The following RFX5 variants were observed in gnomAD, a reference collection of about 807,000 sequenced individuals.
RFX5 encodes the protein regulatory factor X5.
Under a neutral mutation model 41.2 loss-of-function variants are expected in RFX5, and 30 were observed. The observed-to-expected ratio is 0.73, with a 90% CI of 0.54 to 0.99. RFX5 has a LOEUF of 0.99. Among genes scored for constraint, RFX5 ranks in the 50% least tolerant of loss-of-function variants. The pLI, the probability that RFX5 is intolerant of heterozygous loss-of-function variation, is 0.00. For synonymous variants in RFX5, 231 were observed against 291.8 expected, an observed-to-expected ratio of 0.79 and a Z score of 2.12; for missense variants, 715 against 773.6, an observed-to-expected ratio of 0.92 and a Z score of 0.90.
Position 151,344,430 on chromosome 1 carries a change from G to T in RFX5, c.460C>A (p.Arg154=). The change falls in exon 7 of 11, where the codon CGG becomes AGG. Residue 154 remains arginine, a synonymous_variant. Transcript: ENST00000452671. ...PDIKARRLGG[R]GQSKYCYSGI... is the part of the protein sequence containing the mutation. ...AGTCAAGGATACTTGGACTGGCCCC[G>T]GCCACCAAGCCTTCGAGCTTTGATG... 6.2e-7 allele frequency: 1 copy of T among 1,614,146 alleles called. No individual in the cohort carries two copies. Among genetic ancestry groups the T allele is most frequent in the Non-Finnish European group, 8.5e-7 (1 of 1,180,032 alleles).
Position 151,344,843 on chromosome 1 carries a change from C to G in RFX5, c.238G>C (p.Glu80Gln). The change falls in exon 6 of 11, where the codon GAG becomes CAG. Residue 80 changes from glutamate (E) to glutamine (Q), a missense_variant. Transcript: ENST00000452671. ...TCCTCATTGCTCAGTGTACTTGGCT[C>G]TGAGCTACAGAAACAAAAGGAACAA... Reference protein sequence around the residue: ...SGPTTGDKSSEPSTLSNEEYM... With the variant: ...SGPTTGDKSSQPSTLSNEEYM... 6.2e-7 allele frequency: 1 copy of G among 1,614,136 alleles called. No individual in the cohort carries two copies. Among genetic ancestry groups the G allele is most frequent in the Non-Finnish European group, 8.5e-7 (1 of 1,180,018 alleles).
In RFX5 at chr1:151,344,545, G is replaced by A. The variant is rs760767994; in HGVS notation, c.354-9C>T. The stretch of plus-strand genomic sequence containing the variant: ...GACTCTCACAGTACTTCCTGAGTGA[G>A]AGGGGAGCAGAGTGGGAAGATACTC... On this transcript the variant is annotated splice_polypyrimidine_tract_variant and intron_variant, in intron 6 of 10. Coordinates refer to ENST00000452671, the MANE Select transcript of RFX5 (RefSeq NM_001025603.2). 6.2e-7 allele frequency: 1 copy of A among 1,614,210 alleles called. No homozygotes were observed. Among genetic ancestry groups the A allele is most frequent in the South Asian group, 1.1e-5 (1 of 91,080 alleles).
In RFX5 at chr1:151,344,772, G is replaced by T; in HGVS notation, c.309C>A (p.His103Gln). ...YRWIRNHLEEHTDTCLPKQSV... is the reference protein window; with the variant it reads ...YRWIRNHLEEQTDTCLPKQSV... The stretch of plus-strand genomic sequence containing the variant: ...TTTGCTTTGGCAGACAGGTGTCAGT[G>T]TGCTCTTCCAGGTGGTTGCGGATCC... Residue 103 changes from histidine to glutamine, a missense_variant, in exon 6 of 11, where the codon CAC becomes CAA. Transcript: ENST00000452671. The T allele has an allele frequency of 8.7e-6, 14 of 1,610,368 alleles. No individual in the cohort carries two copies. The highest frequency in any genetic ancestry group is 1.2e-5 in the Non-Finnish European group (14 of 1,178,014).
chr1:151,341,338 A>C lies in RFX5; in HGVS notation c.*848T>G, dbSNP rs1650432338. On this transcript the variant is annotated 3_prime_UTR_variant, in exon 11 of 11. Transcript: ENST00000452671. ...GGAAATGCAAGACTGAGGAGAAAAG[A>C]AAGCAGGTCTAGCTGATCTCAACTT... 6.6e-6 allele frequency: 1 copy of C among 152,466 alleles called. No homozygotes were observed. The highest frequency in any genetic ancestry group is 2.4e-5 in the African/African-American group (1 of 41,454). The allele number at this position is 152,466 out of a possible 1,614,324, so 9.4% of individuals were successfully genotyped here.
chr1:151,343,523 TGACTGGTAGA>T, intron 9 of RFX5, 81 bp from the exon 10 acceptor site: 1 of 1,464,332 alleles, frequency 6.8e-7, no homozygotes, highest in Non-Finnish European at 9.5e-7. Flanking sequence ...TCTGATTGAC[TGACTGGTAGA>T]GACAGGAAAT....
chr1:151,341,805 T>C lies in RFX5; in HGVS notation c.*381A>G, dbSNP rs1264860956. On this transcript the variant is annotated 3_prime_UTR_variant, in exon 11 of 11. Transcript: ENST00000452671. ...CTTCACCTGGAGCCAGCACTACCTATGGACTTTCTAGTTACATGAACCAAT... is the reference window on the plus strand; with the variant it reads ...CTTCACCTGGAGCCAGCACTACCTACGGACTTTCTAGTTACATGAACCAAT... 2.7e-6 allele frequency: 1 copy of C among 372,980 alleles called. No individual in the cohort carries two copies. Among genetic ancestry groups the C allele is most frequent in the African/African-American group, 2.1e-5 (1 of 47,272 alleles). The allele number at this position is 372,980 out of a possible 1,614,324, so 23.1% of individuals were successfully genotyped here. A position where few individuals can be genotyped will look rare whatever the true frequency, so the allele number is the denominator to read the frequency against.
intron 9 of RFX5, 92 bp downstream of exon 9, chr1:151,343,589 A>G: frequency 1.4e-6 from 2 of 1,477,304 alleles, no homozygotes; most frequent in South Asian, 2.4e-5. Context: ...AAGAGGGGGC[A>G]AATCCAAGGT....
Position 151,343,183 on chromosome 1 carries a change from A to G in RFX5, c.859-5T>C. ...GGCTTCCAGATCCTTAGGAGGCTAA[A>G]AAGTAAAGAGAGGAACACAGTAAGG... On this transcript the variant is annotated splice_region_variant and splice_polypyrimidine_tract_variant and intron_variant, in intron 10 of 10. Transcript: ENST00000452671. 1 of 1,611,224 alleles carries G rather than the reference A, an allele frequency of 6.2e-7. No homozygotes were observed. The highest frequency in any genetic ancestry group is 8.5e-7 in the Non-Finnish European group (1 of 1,180,018).
Position 151,343,945 on chromosome 1 carries a change from G to C in RFX5, c.556-63C>G. Reference sequence around the variant, plus strand: ...TTAAAGAACCCTTGCCTCCTCTCTTGTCAGAGATCAAAGACTATTGACCAA... The same window carrying C: ...TTAAAGAACCCTTGCCTCCTCTCTTCTCAGAGATCAAAGACTATTGACCAA... On this transcript the variant is annotated intron_variant, in intron 8 of 10. Transcript: ENST00000452671. The C allele has an allele frequency of 2.6e-6, 4 of 1,555,296 alleles. No homozygotes were observed. The East Asian group carries it at 6.8e-5, about 26-fold the overall frequency.
chr1:151,345,232 G>A (rs375652233), intron 4 of RFX5, 44 bp from the exon 5 acceptor site: 7 of 1,506,236 alleles, frequency 4.6e-6, no homozygotes, highest in Middle Eastern at 1.7e-4. Flanking sequence ...ATAAGGCCAA[G>A]AAGGACCCAA....
rs371608152 is a variant in RFX5, at chr1:151,343,913, C to A, written c.556-31G>T. On this transcript the variant is annotated intron_variant, in intron 8 of 10. Transcript: ENST00000452671. ...GTGGGGAAGGACATGCCCAATCACA[C>A]TCCAAATTAAAGAACCCTTGCCTCC... 14 of 1,606,878 alleles carry A rather than the reference C, an allele frequency of 8.7e-6. No homozygotes were observed. In the African/African-American group the frequency reaches 1.5e-4, roughly 17 times the overall value.
intron 8 of RFX5, 106 bp from the exon 9 acceptor site, chr1:151,343,988 G>T: frequency 7.8e-7 from 1 of 1,275,514 alleles, no homozygotes; most frequent in Non-Finnish European, 1.1e-6. Flanking sequence ...ACCAGACTGG[G>T]GATGGGAGTA....
rs539840415 is a variant in RFX5 at position 151,344,942 on chromosome 1, T to A, written c.234-95A>T. The A allele has an allele frequency of 1.0e-5, 16 of 1,606,150 alleles. No homozygotes were observed. The East Asian group carries it at 3.3e-4, about 34-fold the overall frequency. On this transcript the variant is annotated intron_variant, in intron 5 of 10. Transcript: ENST00000452671. Reference sequence around the variant, plus strand: ...TTCAGTAGTGCTGGACCAAATTTAGTTCACCCAGAATCTAACTTTCCCTGG... The same window carrying A: ...TTCAGTAGTGCTGGACCAAATTTAGATCACCCAGAATCTAACTTTCCCTGG...
At position 151,341,915 on chromosome 1, in the gene RFX5, T is replaced by G. The variant is rs1650470142; in HGVS notation, c.*271A>C. On this transcript the variant is annotated 3_prime_UTR_variant, in exon 11 of 11. Transcript: ENST00000452671. ...TCCCTAACCTATATATTCATCATACTTAGCCCATTCCTACCTTCCCACAGG... is the reference window on the plus strand; with the variant it reads ...TCCCTAACCTATATATTCATCATACGTAGCCCATTCCTACCTTCCCACAGG... The G allele has an allele frequency of 1.5e-6, 1 of 652,904 alleles. No homozygotes were observed. Among genetic ancestry groups the G allele is most frequent in the Admixed American group, 2.2e-5 (1 of 45,512 alleles). The allele number at this position is 652,904 out of a possible 1,614,324, so 40.4% of individuals were successfully genotyped here. A position where few individuals can be genotyped will look rare whatever the true frequency, so the allele number is the denominator to read the frequency against.
chr1:151,343,421 C>T lies in RFX5; in HGVS notation c.779G>A (p.Arg260Gln), dbSNP rs767157275. 32 of 1,613,844 alleles carry T rather than the reference C, an allele frequency of 2.0e-5. No individual in the cohort carries two copies. Among genetic ancestry groups the T allele is most frequent in the Middle Eastern group, 1.7e-4 (1 of 5,992 alleles). Residue 260 changes from arginine to glutamine, a missense_variant, in exon 10 of 11, where the codon CGG (arginine) becomes CAG (glutamine). Arg to Gln is a conservative substitution (Grantham distance 43, BLOSUM62 1). Transcript: ENST00000452671. The part of the protein sequence containing the change: ...GLAEEDEHAP[R>Q]ERSSKPKNGL... ...ATTCTTTGGTTTAGATGACCGTTCC[C>T]GAGGTGCATGTTCGTCCTCTTCTGC... is the stretch of plus-strand genomic sequence containing the variant.
At chr1:151,343,275 C>A (rs977486048) in intron 10 of RFX5, 67 bp downstream of exon 10, 1 of 1,607,070 alleles carries the variant, frequency 6.2e-7, no homozygotes, top group Non-Finnish European at 8.5e-7. Flanking sequence ...GCAAGGGACC[C>A]AATTGGAGAA....
chr1:151,344,638 G>A (rs2102066407), intron 6 of RFX5, 90 bp downstream of exon 6: 3 of 1,588,888 alleles, frequency 1.9e-6, no homozygotes, highest in Non-Finnish European at 1.7e-6. Context: ...CTTTAAGAAG[G>A]CAGGCTTTAT....
Position 151,343,068 on chromosome 1 carries a change from A to G in RFX5, c.969T>C (p.Asn323=). 6.2e-7 allele frequency: 1 copy of G among 1,613,642 alleles called. No homozygotes were observed. Among genetic ancestry groups the G allele is most frequent in the Non-Finnish European group, 8.5e-7 (1 of 1,180,012 alleles). ...GCAGAGGCAGCCGAGCCACTAGGGC[A>G]TTAACCTGCAGGTTATTGGCTCCTG... ...SAPGANNLQV[N]ALVARLPLLL... is the part of the protein sequence containing the mutation. The change falls in exon 11 of 11, where the codon AAT becomes AAC. Residue 323 remains asparagine, a synonymous_variant. Transcript: ENST00000452671.
At chr1:151,345,815 A>T in intron 4 of RFX5, 113 bp downstream of exon 4, 1 of 1,459,408 alleles carries the variant, frequency 6.9e-7, no homozygotes, top group Admixed American at 1.7e-5. Flanking sequence ...TCTTCTGACA[A>T]GGCAGAGGAC....
Sources: allele counts gnomAD v4.1 joint callset, GRCh38; gene constraint gnomAD v4.1.1; transcripts MANE v1.5; gene names NCBI Gene and HGNC (gene_info 2026-07-23, HGNC 2026-07-21).